GSE1: variants seen among roughly 807,000 people sequenced by gnomAD.
The protein encoded by GSE1 is Gse1 coiled-coil protein, also known as genetic suppressor element 1.
GSE1 carries 32 observed loss-of-function variants against 112.6 expected under a neutral mutation model. The ratio of observed to expected loss-of-function variants is 0.28; its 90% confidence interval spans 0.21 to 0.38. GSE1 has a LOEUF of 0.38. Ranked by LOEUF, GSE1 falls within the 10% of genes least tolerant of loss-of-function variation. The pLI, the probability that GSE1 is intolerant of heterozygous loss-of-function variation, is 1.00. For synonymous variants in GSE1, 1,115 were observed against 735.6 expected, an observed-to-expected ratio of 1.52 and a Z score of -8.35; for missense variants, 2,348 against 1,699.2, an observed-to-expected ratio of 1.38 and a Z score of -6.71.
chr16:85,325,457 A>AAT (rs1555562658), intron 1 of GSE1, among the ~76,000 whole-genome samples: 2 of 147,684 alleles, frequency 1.4e-5, no homozygotes, highest in African/African-American at 5.0e-5. Context: ...AAAAAAAAAA[A>AAT]TTTTTTTTTT....
intron 1 of GSE1, chr16:85,582,031 G>A (rs1284284526): frequency 6.6e-6 from 1 of 152,230 alleles, no homozygotes; most frequent in African/African-American, 2.4e-5. Context: ...GGGGTGGAGT[G>A]GGTGCTGGCT....
intron 2 of GSE1, among the ~76,000 whole-genome samples, chr16:85,497,548 T>C (rs1030331979): frequency 6.6e-6 from 1 of 152,232 alleles, no homozygotes; most frequent in Non-Finnish European, 1.5e-5. Flanking sequence ...TTCTTTCTAA[T>C]GGGAACCTAT....
At chr16:85,235,433 TG>T (rs1904510715) in intron 1 of GSE1, among the ~76,000 whole-genome samples, 1 of 86,890 alleles carries the variant, frequency 1.2e-5, no homozygotes, top group Non-Finnish European at 2.8e-5. Flanking sequence ...GGGTACTGTG[TG>T]TGTGTGTGTG....
intron 2 of GSE1, among the ~76,000 whole-genome samples, chr16:85,489,095 G>T (rs771723834): frequency 6.6e-6 from 1 of 152,130 alleles, no homozygotes; most frequent in Non-Finnish European, 1.5e-5. Flanking sequence ...GCAGCGTCCC[G>T]TGTGCTACCA....
intron 1 of GSE1, among the ~76,000 whole-genome samples, chr16:85,295,184 C>T (rs559890057): frequency 6.6e-6 from 1 of 152,352 alleles, no homozygotes; most frequent in East Asian, 1.9e-4. Flanking sequence ...GCGGTTACTC[C>T]ATGCCCCGCT....
intron 2 of GSE1, among the ~76,000 whole-genome samples, chr16:85,369,667 G>A (rs2151594840): frequency 6.6e-6 from 1 of 152,320 alleles, no homozygotes; most frequent in East Asian, 1.9e-4. Flanking sequence ...AGTCCCTTCT[G>A]CCATAGAAGG....
At chr16:85,590,459 G>T (rs1402592221) in intron 1 of GSE1, among the ~76,000 whole-genome samples, 4 of 151,452 alleles carry the variant, frequency 2.6e-5, no homozygotes, top group African/African-American at 4.9e-5. Context: ...GTGATTGTGT[G>T]AGCGTGTGTG....
chr16:85,346,541 C>T (rs1253032621), intron 1 of GSE1, among the ~76,000 whole-genome samples: 2 of 124,418 alleles, frequency 1.6e-5, no homozygotes, highest in African/African-American at 6.3e-5. Context: ...GGATGATAGG[C>T]GGGTGGATGG....
intron 2 of GSE1, among the ~76,000 whole-genome samples, chr16:85,495,469 ATTTATTTG>A (rs1453652936): frequency 1.8e-4 from 21 of 119,370 alleles, no homozygotes; most frequent in African/African-American, 4.9e-4. Context: ...TTATTTATTT[ATTTATTTG>A]TGTATTTATT....
chr16:85,625,126 C>CT (rs1287299534), intron 1 of GSE1, among the ~76,000 whole-genome samples: 2 of 152,178 alleles, frequency 1.3e-5, no homozygotes, highest in Non-Finnish European at 2.9e-5. Context: ...TGTCGTGCCC[C>CT]TTTAGGAGGC....
chr16:85,246,309 CTA>C (rs1491328403), intron 1 of GSE1, among the ~76,000 whole-genome samples: 6 of 56,408 alleles, frequency 1.1e-4, no homozygotes, highest in Non-Finnish European at 1.3e-4. Flanking sequence ...CACACGCTGT[CTA>C]CACACACACA....
intron 2 of GSE1, among the ~76,000 whole-genome samples, chr16:85,502,474 C>G (rs1054052346): frequency 1.3e-5 from 2 of 152,196 alleles, no homozygotes; most frequent in Non-Finnish European, 2.9e-5. Context: ...AGTCTGGTTC[C>G]AAAGTTCCCG....
chr16:85,319,158 A>C (rs897270156), intron 1 of GSE1, among the ~76,000 whole-genome samples: 9 of 152,150 alleles, frequency 5.9e-5, no homozygotes, highest in African/African-American at 2.2e-4. Flanking sequence ...ACATTTAGGC[A>C]AATGCCCAGG....
chr16:85,266,153 C>G (rs1908221124), intron 1 of GSE1, among the ~76,000 whole-genome samples: 1 of 152,146 alleles, frequency 6.6e-6, no homozygotes, highest in South Asian at 2.1e-4. Flanking sequence ...ACCCATCTGA[C>G]AGGGGCCTCC....
chr16:85,582,381 C>A (rs1018357868), intron 1 of GSE1, among the ~76,000 whole-genome samples: 4 of 152,198 alleles, frequency 2.6e-5, no homozygotes, highest in African/African-American at 9.6e-5. Flanking sequence ...GATGGGGAAG[C>A]CCCCACGTGC....
At chr16:85,623,420 C>T (rs1472344079) in intron 1 of GSE1, among the ~76,000 whole-genome samples, 1 of 152,136 alleles carries the variant, frequency 6.6e-6, no homozygotes, top group East Asian at 1.9e-4. Flanking sequence ...ATGGTACTGA[C>T]AGGGAAACTG....
chr16:85,181,796 C>G (rs1193804046), intron 1 of GSE1, among the ~76,000 whole-genome samples: 2 of 152,178 alleles, frequency 1.3e-5, no homozygotes, highest in African/African-American at 4.8e-5. Flanking sequence ...GACCCAGCAG[C>G]AAAGGGAGGC....
intron 1 of GSE1, among the ~76,000 whole-genome samples, chr16:85,245,154 C>T (rs1057080095): frequency 9.9e-5 from 15 of 151,230 alleles, no homozygotes; most frequent in Admixed American, 2.0e-4. Context: ...AGAGTGAGAC[C>T]CTGTCTCAAG....
At chr16:85,514,479 G>T (rs115641208) in intron 2 of GSE1, among the ~76,000 whole-genome samples, 2,185 of 150,118 alleles carry the variant, frequency 0.015, 70 homozygotes, top group African/African-American at 0.051. Context: ...CTGGAGGAGG[G>T]ACAGGGCAGT....
Sources: allele counts gnomAD v4.1 joint callset (sites outside exome capture counted in the v4.1 genomes callset), GRCh38; gene constraint gnomAD v4.1.1; transcripts MANE v1.5; gene names NCBI Gene and HGNC (gene_info 2026-07-23, HGNC 2026-07-21).